RAP1GAP2: variants seen among roughly 807,000 people sequenced by gnomAD.
RAP1GAP2 encodes the protein RAP1 GTPase activating protein 2, also known as rap1 GTPase-activating protein 2.
Under a neutral mutation model 95.0 loss-of-function variants are expected in RAP1GAP2, and 27 were observed. The ratio of observed to expected loss-of-function variants is 0.28; its 90% CI spans 0.21 to 0.39. The LOEUF (loss-of-function observed/expected upper bound fraction) is 0.39. RAP1GAP2 is among the 10% of genes least tolerant of loss of function. The pLI, the probability that RAP1GAP2 is intolerant of heterozygous loss-of-function variation, is 1.00. For synonymous variants in RAP1GAP2, 373 were observed against 380.9 expected, an observed-to-expected ratio of 0.98 and a Z score of 0.24; for missense variants, 771 against 970.0, an observed-to-expected ratio of 0.79 and a Z score of 2.72.
chr17:2,923,976 G>T (rs2042876179), intron 3 of RAP1GAP2, among the ~76,000 whole-genome samples: 2 of 152,170 alleles, frequency 1.3e-5, no homozygotes, highest in Admixed American at 1.3e-4. Flanking sequence ...ATAAACAAGT[G>T]GCTCAGAAGG....
At chr17:2,941,805 C>G (rs2043510494) in intron 3 of RAP1GAP2, among the ~76,000 whole-genome samples, 1 of 151,976 alleles carries the variant, frequency 6.6e-6, no homozygotes, top group African/African-American at 2.4e-5. Flanking sequence ...GTGTCAGCCT[C>G]TGGAGTAGCT....
intron 17 of RAP1GAP2, among the ~76,000 whole-genome samples, chr17:3,010,770 A>G (rs1398441658): frequency 6.6e-6 from 1 of 152,092 alleles, no homozygotes; most frequent in Admixed American, 6.6e-5. Flanking sequence ...TTCAATACTA[A>G]AACCCTGCAA....
intron 10 of RAP1GAP2, among the ~76,000 whole-genome samples, chr17:2,983,786 CAA>C (rs1374626749): frequency 6.6e-6 from 1 of 152,118 alleles, no homozygotes; most frequent in Non-Finnish European, 1.5e-5. Context: ...GTTCAAATTT[CAA>C]GTCTCCACAC....
chr17:2,766,356 CAT>C (rs1438416010), intron 1 of RAP1GAP2, among the ~76,000 whole-genome samples: 2 of 152,110 alleles, frequency 1.3e-5, no homozygotes, highest in Non-Finnish European at 2.9e-5. Context: ...GTGGAGCCCA[CAT>C]CCAGACGCAC....
chr17:2,907,201 T>C (rs1267097857), intron 3 of RAP1GAP2, among the ~76,000 whole-genome samples: 1 of 152,220 alleles, frequency 6.6e-6, no homozygotes, highest in Non-Finnish European at 1.5e-5. Context: ...GATGAAAGGC[T>C]CTGATTGGCC....
intron 2 of RAP1GAP2, among the ~76,000 whole-genome samples, chr17:2,834,954 C>T (rs2071065862): frequency 6.6e-6 from 1 of 152,054 alleles, no homozygotes; most frequent in African/African-American, 2.4e-5. Flanking sequence ...GAGTCTCGCT[C>T]TGTTGCCTAG....
At chr17:2,931,120 T>G (rs2043132292) in intron 3 of RAP1GAP2, among the ~76,000 whole-genome samples, 1 of 36,278 alleles carries the variant, frequency 2.8e-5, no homozygotes, top group African/African-American at 8.7e-5. Flanking sequence ...AGACTCCATC[T>G]CAAAAAAAAA....
intron 2 of RAP1GAP2, among the ~76,000 whole-genome samples, chr17:2,859,125 T>G (rs112015012): frequency 6.7e-6 from 1 of 150,186 alleles, no homozygotes; most frequent in Non-Finnish European, 1.5e-5. Flanking sequence ...TTTTTTTTTT[T>G]TTTGAGACAG....
intron 16 of RAP1GAP2, 132 bp from the exon 17 acceptor site, chr17:3,007,879 T>C (rs1041161869): frequency 3.7e-6 from 4 of 1,076,924 alleles, no homozygotes; most frequent in Non-Finnish European, 5.2e-6. Context: ...AGCTCAGCAG[T>C]AGGTCCACAC....
intron 2 of RAP1GAP2, 62 bp from the exon 3 acceptor site, chr17:2,905,222 C>T (rs2042161575): frequency 2.7e-6 from 4 of 1,494,018 alleles, no homozygotes. Flanking sequence ...CCCAGTCACT[C>T]TTGGAGGAGA....
intron 3 of RAP1GAP2, among the ~76,000 whole-genome samples, chr17:2,936,784 C>A (rs1351258193): frequency 6.6e-6 from 1 of 152,152 alleles, no homozygotes; most frequent in Non-Finnish European, 1.5e-5. Flanking sequence ...CCTCCCGGGA[C>A]CCCCTTCCTT....
At chr17:2,976,116 G>A (rs756161802) in intron 8 of RAP1GAP2, among the ~76,000 whole-genome samples, 13 of 152,114 alleles carry the variant, frequency 8.5e-5, no homozygotes, top group Non-Finnish European at 1.5e-4. Context: ...AAGGAGAAGT[G>A]GATAAACACT....
At position 2,954,167 on chromosome 17, in the gene RAP1GAP2, C is replaced by G. The variant is rs553759732; in HGVS notation, c.166-3592C>G. On this transcript the variant is annotated intron_variant, in intron 3 of 24. Transcript: ENST00000254695. ...TCATCCAGGCTGGAGTGCAGTAGCG[C>G]GATCTTGGCTCACTGCAGGCTCCGC... Among the ~76,000 whole-genome samples the G allele has an allele frequency of 1.2e-3, 180 of 152,256 alleles. 1 individual carries two copies. The highest frequency in any genetic ancestry group is 4.1e-3 in the African/African-American group (171 of 41,552).
rs568449472 is a variant in RAP1GAP2 at position 2,873,755 on chromosome 17, A to ATTAT, written c.81-31510_81-31507dup. 1.6e-3 allele frequency among the ~76,000 whole-genome samples: 239 copies of ATTAT among 151,962 alleles called. 2 individuals carry two copies. The highest frequency in any genetic ancestry group is 2.7e-3 in the Admixed American group (41 of 15,226). On this transcript the variant is annotated intron_variant, in intron 2 of 24. Transcript: ENST00000254695. The stretch of plus-strand genomic sequence containing the variant: ...TTAATGCTACTGAATTGTATACTTT[A>ATTAT]TTATTTATTTATTTATTTATTTTTG...
chr17:2,958,627 C>A (rs993880855), intron 4 of RAP1GAP2, among the ~76,000 whole-genome samples: 10 of 151,936 alleles, frequency 6.6e-5, no homozygotes, highest in African/African-American at 2.4e-4. Flanking sequence ...AGGCACAGAA[C>A]AATTAAAGGC....
intron 1 of RAP1GAP2, among the ~76,000 whole-genome samples, chr17:2,791,378 G>T (rs764005597): frequency 1.3e-5 from 2 of 152,072 alleles, no homozygotes; most frequent in South Asian, 4.2e-4. Flanking sequence ...GAGAGAGAAG[G>T]AGCCCGTCCA....
Position 2,769,007 on chromosome 17 carries a change from G to A in RAP1GAP2, c.51-1322G>A, listed in dbSNP as rs562189596. Reference sequence around the variant, plus strand: ...TTTGGGAGGCCCAGGCAGGAAGATCGCTTGAGGCCAGGAGTTCAAGACCAG... The same window carrying A: ...TTTGGGAGGCCCAGGCAGGAAGATCACTTGAGGCCAGGAGTTCAAGACCAG... On this transcript the variant is annotated intron_variant, in intron 1 of 25. Transcript: ENST00000637138. 6.6e-5 allele frequency among the ~76,000 whole-genome samples: 10 copies of A among 150,758 alleles called. No individual in the cohort carries two copies. In the South Asian group the frequency reaches 8.4e-4, roughly 13 times the overall value.
At chr17:2,882,281 C>T (rs1253413509) in intron 2 of RAP1GAP2, among the ~76,000 whole-genome samples, 1 of 150,396 alleles carries the variant, frequency 6.6e-6, no homozygotes, top group African/African-American at 2.5e-5. Flanking sequence ...TGTGCACCAC[C>T]ACGCCCAGCT....
rs373588451 is a variant in RAP1GAP2 at position 2,998,376 on chromosome 17, G to C, written c.1200G>C (p.Lys400Asn). 6.2e-7 allele frequency: 1 copy of C among 1,613,828 alleles called. No homozygotes were observed. Among genetic ancestry groups the C allele is most frequent in the African/African-American group, 1.3e-5 (1 of 75,044 alleles). Residue 400 changes from lysine to asparagine, a missense_variant and splice_region_variant, in exon 14 of 25, where the codon AAG (lysine) becomes AAC (asparagine). Physicochemically the swap from Lys to Asn is moderately conservative, Grantham distance 94. Transcript: ENST00000254695. Reference protein sequence around the residue: ...ETPGTETPSYKVSVTAREDVP... With the variant: ...ETPGTETPSYNVSVTAREDVP... ...CAGGCACAGAGACCCCATCCTACAA[G>C]GTAAGGAGAACGCCTTGTTGGAGGG... is the stretch of plus-strand genomic sequence containing the variant.
Sources: allele counts gnomAD v4.1 joint callset (sites outside exome capture counted in the v4.1 genomes callset), GRCh38; gene constraint gnomAD v4.1.1; transcripts MANE v1.5; gene names NCBI Gene and HGNC (gene_info 2026-07-23, HGNC 2026-07-21).